The following LRRC7 variants were observed in gnomAD, a reference collection of about 807,000 sequenced individuals.
LRRC7 encodes leucine rich repeat containing 7.
LRRC7 carries 23 observed loss-of-function variants against 175.7 expected under a neutral mutation model. The ratio of observed to expected loss-of-function variants is 0.13; its 90% CI spans 0.09 to 0.19. The LOEUF is 0.19. Ranked by LOEUF, LRRC7 falls within the 10% of genes least tolerant of loss-of-function variation. The pLI is 1.00. For missense variants in LRRC7, 1,354 were observed against 1,904.7 expected, an observed-to-expected ratio of 0.71 and a Z score of 5.38; for synonymous variants, 685 against 680.9, an observed-to-expected ratio of 1.01 and a Z score of -0.09.
chr1:70,023,615 C>T (rs1032893181), intron 17 of LRRC7, among the ~76,000 whole-genome samples: 3 of 150,720 alleles, frequency 2.0e-5, no homozygotes, highest in African/African-American at 7.3e-5. Flanking sequence ...GGATATCTGG[C>T]ATGGTTTTTG....
intron 1 of LRRC7, among the ~76,000 whole-genome samples, chr1:69,622,439 T>G (rs1346216025): frequency 6.6e-6 from 1 of 152,220 alleles, no homozygotes; most frequent in Non-Finnish European, 1.5e-5. Flanking sequence ...TCTAAGAGTC[T>G]GGAGATAATT....
chr1:69,830,147 C>T (rs1160100115), intron 5 of LRRC7, among the ~76,000 whole-genome samples: 3 of 151,744 alleles, frequency 2.0e-5, no homozygotes, highest in African/African-American at 7.2e-5. Context: ...CACTGTATTT[C>T]ACCATATCTG....
chr1:70,063,776 G>A (rs1661760898), intron 23 of LRRC7, among the ~76,000 whole-genome samples: 1 of 151,972 alleles, frequency 6.6e-6, no homozygotes, highest in Non-Finnish European at 1.5e-5. Flanking sequence ...GAAAAGTGTA[G>A]ACTCATCCTC....
intron 1 of LRRC7, among the ~76,000 whole-genome samples, chr1:69,602,866 T>A (rs1439740177): frequency 6.6e-6 from 1 of 152,222 alleles, no homozygotes; most frequent in Non-Finnish European, 1.5e-5. Context: ...AGATAAATTT[T>A]GATACACAAA....
At chr1:69,640,486 C>T (rs1416059122) in intron 1 of LRRC7, among the ~76,000 whole-genome samples, 1 of 151,404 alleles carries the variant, frequency 6.6e-6, no homozygotes, top group African/African-American at 2.4e-5. Flanking sequence ...TTTTTAGACT[C>T]ATTATGCATT....
At chr1:69,787,934 T>A (rs1569868402) in intron 3 of LRRC7, among the ~76,000 whole-genome samples, 1 of 152,108 alleles carries the variant, frequency 6.6e-6, no homozygotes, top group East Asian at 1.9e-4. Context: ...TTTTCTTTAT[T>A]CCTTCTTCCC....
At chr1:69,833,616 T>C (rs1680774864) in intron 5 of LRRC7, among the ~76,000 whole-genome samples, 1 of 151,958 alleles carries the variant, frequency 6.6e-6, no homozygotes, top group African/African-American at 2.4e-5. Context: ...AACCATGGAA[T>C]AAAACGCAGA....
intron 1 of LRRC7, among the ~76,000 whole-genome samples, chr1:69,571,902 T>A (rs1025861272): frequency 1.3e-5 from 2 of 152,130 alleles, no homozygotes; most frequent in Non-Finnish European, 2.9e-5. Flanking sequence ...TTTGAAAAAA[T>A]TATTTCAAAC....
At chr1:69,604,451 G>T (rs1246781908) in intron 1 of LRRC7, among the ~76,000 whole-genome samples, 2 of 152,102 alleles carry the variant, frequency 1.3e-5, no homozygotes, top group East Asian at 3.9e-4. Context: ...TTGGTGAGAG[G>T]CAGATGAATT....
At chr1:69,661,637 T>C (rs1333584802) in intron 1 of LRRC7, among the ~76,000 whole-genome samples, 1 of 152,122 alleles carries the variant, frequency 6.6e-6, no homozygotes, top group Non-Finnish European at 1.5e-5. Flanking sequence ...CTAGAAACCA[T>C]TGCCTTATGA....
intron 2 of LRRC7, among the ~76,000 whole-genome samples, chr1:69,696,345 G>A (rs1298490031): frequency 6.6e-6 from 1 of 152,148 alleles, no homozygotes; most frequent in East Asian, 1.9e-4. Context: ...CTCCCTTTTG[G>A]AATGGGAAAG....
At chr1:69,755,423 G>A (rs1670309429) in intron 2 of LRRC7, among the ~76,000 whole-genome samples, 2 of 142,992 alleles carry the variant, frequency 1.4e-5, no homozygotes, top group South Asian at 2.1e-4. Flanking sequence ...TATATATTTT[G>A]CAAGGATAGA....
At chr1:69,824,633 C>T (rs1225963036) in intron 4 of LRRC7, among the ~76,000 whole-genome samples, 1 of 152,054 alleles carries the variant, frequency 6.6e-6, no homozygotes, top group Non-Finnish European at 1.5e-5. Context: ...ATTTGACTAC[C>T]CTGCTGCTTC....
chr1:70,134,128 A>G lies in LRRC7; in HGVS notation c.*12241A>G, dbSNP rs909539432. On this transcript the variant is annotated 3_prime_UTR_variant, in exon 27 of 27. Coordinates refer to ENST00000651989, the MANE Select transcript of LRRC7 (RefSeq NM_001370785.2). ...GAGTAATCAGCATAATATGACAATC[A>G]GATTTTATTTTATTATGAAGTGAAT... Among the ~76,000 whole-genome samples the G allele has an allele frequency of 1.3e-5, 2 of 152,212 alleles. No homozygotes were observed. Among genetic ancestry groups the G allele is most frequent in the Admixed American group, 6.5e-5 (1 of 15,284 alleles).
intron 2 of LRRC7, among the ~76,000 whole-genome samples, chr1:69,712,133 T>C (rs1296866097): frequency 6.6e-6 from 1 of 152,052 alleles, no homozygotes; most frequent in Non-Finnish European, 1.5e-5. Flanking sequence ...CATATATAAG[T>C]TATCTCATAA....
intron 23 of LRRC7, among the ~76,000 whole-genome samples, chr1:70,054,488 G>A (rs1380212989): frequency 6.6e-6 from 1 of 150,500 alleles, no homozygotes; most frequent in Admixed American, 6.6e-5. Context: ...ATCTCTAAAG[G>A]TAAAGTAGGG....
chr1:70,036,689 A>T, intron 20 of LRRC7, 65 bp downstream of exon 20: 1 of 1,493,444 alleles, frequency 6.7e-7, no homozygotes, highest in Non-Finnish European at 9.0e-7. Context: ...TAAAAAATGG[A>T]ATCTTCTTAA....
At chr1:69,644,577 T>C (rs1654725318) in intron 1 of LRRC7, among the ~76,000 whole-genome samples, 1 of 152,020 alleles carries the variant, frequency 6.6e-6, no homozygotes, top group Admixed American at 6.6e-5. Flanking sequence ...TTTTTAACCA[T>C]ATGGTTTCAC....
At chr1:69,653,834 T>C (rs1656215217) in intron 1 of LRRC7, among the ~76,000 whole-genome samples, 1 of 152,118 alleles carries the variant, frequency 6.6e-6, no homozygotes, top group Non-Finnish European at 1.5e-5. Flanking sequence ...TTGAGGATGT[T>C]ATTCTAAGTG....
Sources: allele counts gnomAD v4.1 joint callset (sites outside exome capture counted in the v4.1 genomes callset), GRCh38; gene constraint gnomAD v4.1.1; transcripts MANE v1.5; gene names NCBI Gene and HGNC (gene_info 2026-07-23, HGNC 2026-07-21).